Variants in URB1 observed in about 807,000 individuals in gnomAD.
The protein encoded by URB1 is URB1 ribosome biogenesis factor.
A neutral mutation model predicts 242.3 loss-of-function variants in URB1; 197 were observed. That is an observed-to-expected ratio of 0.81 (90% CI 0.72 to 0.91). The LOEUF (loss-of-function observed/expected upper bound fraction) is 0.91, where lower values mean the gene tolerates loss of function less well. Among genes scored for constraint, URB1 ranks in the 40% least tolerant of loss-of-function variants. URB1 has a pLI of 0.00. For synonymous variants in URB1, 1,153 were observed against 1,201.8 expected, an observed-to-expected ratio of 0.96 and a Z score of 0.84; for missense variants, 2,721 against 2,860.5, an observed-to-expected ratio of 0.95 and a Z score of 1.11.
At chr21:32,359,613 G>A (rs1023978298) in intron 14 of URB1, among the ~76,000 whole-genome samples, 183 bp downstream of exon 14, 1 of 152,206 alleles carries the variant, frequency 6.6e-6, no homozygotes, top group African/African-American at 2.4e-5. Flanking sequence ...AAAGCAAGCA[G>A]GTTCCCAGGC....
At chr21:32,325,117 A>C in intron 31 of URB1, 112 bp downstream of exon 31, 225 of 1,320,516 alleles carry the variant, frequency 1.7e-4, no homozygotes, top group Non-Finnish European at 2.1e-4. Flanking sequence ...TCCCGGCAAC[A>C]TGCCACCTCC....
At position 32,345,655 on chromosome 21, in the gene URB1, T is replaced by A; in HGVS notation, c.3869-80A>T. ...GCTTGGACCAGCTCCTAGGAACTGG[T>A]TGCTATATTTTAGGTATCCTGTGAC... is the stretch of plus-strand genomic sequence containing the variant. On this transcript the variant is annotated intron_variant, in intron 22 of 38. Coordinates refer to ENST00000382751, the MANE Select transcript of URB1 (RefSeq NM_014825.3). 2.1e-6 allele frequency: 3 copies of A among 1,403,978 alleles called. No individual in the cohort carries two copies. The South Asian group carries it at 4.4e-5, about 21-fold the overall frequency. 87.0% of individuals were successfully genotyped at this position (1,403,978 alleles called of 1,614,324 possible). A position where few individuals can be genotyped will look rare whatever the true frequency, so the allele number is the denominator to read the frequency against.
intron 16 of URB1, 100 bp from the exon 17 acceptor site, chr21:32,355,097 T>C: frequency 1.5e-6 from 2 of 1,346,620 alleles, no homozygotes; most frequent in Non-Finnish European, 2.0e-6. Context: ...AGTGATAATA[T>C]GTTCAATCCT....
intron 17 of URB1, 24 bp downstream of exon 17, chr21:32,354,835 A>G: frequency 6.5e-7 from 1 of 1,546,698 alleles, no homozygotes; most frequent in South Asian, 1.2e-5. Context: ...ACCTCTGAGC[A>G]GCGCAGAACA....
chr21:32,334,924 C>T (rs1291829565), intron 28 of URB1, among the ~76,000 whole-genome samples: 3 of 152,186 alleles, frequency 2.0e-5, no homozygotes, highest in Non-Finnish European at 2.9e-5. Context: ...CCACAGCTGT[C>T]AGAGGCCACC....
Position 32,333,366 on chromosome 21 carries a change from G to C in URB1, c.4911C>G (p.Leu1637=), listed in dbSNP as rs1245781686. 6.4e-7 allele frequency: 1 copy of C among 1,551,744 alleles called. No individual in the cohort carries two copies. The highest frequency in any genetic ancestry group is 8.7e-7 in the Non-Finnish European group (1 of 1,147,002). ...KDKSRVDLDG[L]YDPCFLLQLF... ...GCTGAAGGAGAAAGCAGGGGTCATA[G>C]AGGCCATCAAGATCCACCCTGCTTT... The change falls in exon 30 of 39, where the codon CTC becomes CTG. Residue 1637 remains leucine, a synonymous_variant. Transcript: ENST00000382751.
chr21:32,364,500 C>G (rs948282125), intron 10 of URB1, among the ~76,000 whole-genome samples: 1 of 152,214 alleles, frequency 6.6e-6, no homozygotes, highest in Admixed American at 6.5e-5. Context: ...ACCCCAGAGC[C>G]CCAGCATTCC....
At chr21:32,331,214 G>C (rs918362247) in intron 30 of URB1, among the ~76,000 whole-genome samples, 2 of 152,212 alleles carry the variant, frequency 1.3e-5, no homozygotes, top group African/African-American at 4.8e-5. Flanking sequence ...TCTCAAGCTG[G>C]ACCTAGGAAA....
At chr21:32,340,559 G>C (rs1001271176) in intron 25 of URB1, among the ~76,000 whole-genome samples, 18 of 150,328 alleles carry the variant, frequency 1.2e-4, no homozygotes, top group Non-Finnish European at 2.4e-4. Flanking sequence ...GCTGCAGTAA[G>C]CCGAGATCAC....
chr21:32,357,460 T>C, intron 15 of URB1, 77 bp downstream of exon 15: 1 of 1,304,848 alleles, frequency 7.7e-7, no homozygotes, highest in South Asian at 2.7e-5. Context: ...ATTCAATAAC[T>C]GTTAACTAAA....
Position 32,355,504 on chromosome 21 carries a change from TGCTCCAGCCAGA to T in URB1, c.2039_2050del (p.Leu680_Glu683del). On this transcript the variant is annotated inframe_deletion, in exon 16 of 39. Transcript: ENST00000382751. The stretch of plus-strand genomic sequence containing the variant: ...GTCCTCTTCCATGGTGTTCTCTAAA[TGCTCCAGCCAGA>T]GCTCCAGCTCCTTCCAGGTGTGCTC... 5 of 1,551,844 alleles carry T rather than the reference TGCTCCAGCCAGA, an allele frequency of 3.2e-6. No homozygotes were observed. Among genetic ancestry groups the T allele is most frequent in the Non-Finnish European group, 4.4e-6 (5 of 1,147,024 alleles).
chr21:32,335,557 A>C (rs2032947933), intron 28 of URB1: 1 of 152,318 alleles, frequency 6.6e-6, no homozygotes, highest in Non-Finnish European at 1.5e-5. Context: ...AAATACTTCT[A>C]AACAAAATTC....
At position 32,337,313 on chromosome 21, in the gene URB1, C is replaced by T. The variant is rs953049103; in HGVS notation, c.4621+91G>A. 7 of 1,372,038 alleles carry T rather than the reference C, an allele frequency of 5.1e-6. No individual in the cohort carries two copies. In the African/African-American group the frequency reaches 8.6e-5, roughly 17 times the overall value. 85.0% of individuals were successfully genotyped at this position (1,372,038 alleles called of 1,614,324 possible). The stretch of plus-strand genomic sequence containing the variant: ...TGGTCTCACTGTCTCCTCCTGCTCA[C>T]ATCCCTCCAGCTCTCATTCCCTATC... On this transcript the variant is annotated intron_variant, in intron 27 of 38. Transcript: ENST00000382751.
chr21:32,337,537 C>T, intron 26 of URB1, 23 bp from the exon 27 acceptor site: 1 of 1,543,638 alleles, frequency 6.5e-7, no homozygotes, highest in African/African-American at 1.4e-5. Flanking sequence ...AACCCTGAAA[C>T]ACATGGCATG....
At chr21:32,345,618 G>A in intron 22 of URB1, 43 bp from the exon 23 acceptor site, 2 of 1,493,698 alleles carry the variant, frequency 1.3e-6, no homozygotes, top group African/African-American at 1.4e-5. Flanking sequence ...ACCCAATGGT[G>A]GGCTGCAGCC....
chr21:32,369,958 A>G (rs955426316), intron 8 of URB1, among the ~76,000 whole-genome samples: 1 of 144,182 alleles, frequency 6.9e-6, no homozygotes, highest in East Asian at 2.0e-4. Flanking sequence ...CCTGAACAAC[A>G]GAGCGAGTCT....
At chr21:32,328,266 T>C (rs1380434636) in intron 30 of URB1, among the ~76,000 whole-genome samples, 1 of 152,184 alleles carries the variant, frequency 6.6e-6, no homozygotes, top group South Asian at 2.1e-4. Flanking sequence ...GCCTCCTGAG[T>C]AGCTAGGACT....
At chr21:32,380,454 G>A (rs923347921) in intron 4 of URB1, among the ~76,000 whole-genome samples, 1 of 152,190 alleles carries the variant, frequency 6.6e-6, no homozygotes, top group African/African-American at 2.4e-5. Context: ...TGCATCCAAT[G>A]ATCACTGGTG....
At chr21:32,317,153 C>A (rs781339674) in intron 37 of URB1, 88 bp from the exon 38 acceptor site, 43 of 1,436,454 alleles carry the variant, frequency 3.0e-5, no homozygotes, top group Admixed American at 8.5e-5. Context: ...ATGGGGGACA[C>A]GAGGGGCGGC....
Sources: allele counts gnomAD v4.1 joint callset (sites outside exome capture counted in the v4.1 genomes callset), GRCh38; gene constraint gnomAD v4.1.1; transcripts MANE v1.5; gene names NCBI Gene and HGNC (gene_info 2026-07-23, HGNC 2026-07-21).